The following RABL6 variants were observed in gnomAD, a reference collection of about 807,000 sequenced individuals.
The protein encoded by RABL6 is rab-like protein 6.
In RABL6, 28 loss-of-function variants were observed where a neutral mutation model predicts 72.9. That is an observed-to-expected ratio of 0.38 (90% confidence interval 0.28 to 0.53). The LOEUF is 0.53. RABL6 is among the 20% of genes least tolerant of loss of function. The probability of loss-of-function intolerance (pLI) is 0.80; values close to 1 mark genes in which losing one functional copy is unlikely to be tolerated. For synonymous variants in RABL6, 477 were observed against 421.2 expected, an observed-to-expected ratio of 1.13 and a Z score of -1.62; for missense variants, 1,029 against 1,008.4, an observed-to-expected ratio of 1.02 and a Z score of -0.28.
In RABL6 at chr9:136,837,429, A is replaced by C; in HGVS notation, c.893A>C (p.Gln298Pro). Residue 298 changes from glutamine (Q) to proline (P), a missense_variant, in exon 9 of 15, where the codon CAG becomes CCG. Physicochemically the swap from Gln to Pro is moderately conservative, Grantham distance 76 (BLOSUM62 -1). Transcript: ENST00000311502. ...ANGQSPSPGS[Q>P]SPVVPAGAVS... ...GGGCAGAGCCCATCCCCGGGCTCCC[A>C]GTCACCAGTGGTGCCTGCAGGCGCT... The C allele has an allele frequency of 6.3e-7, 1 of 1,581,372 alleles. No homozygotes were observed. Among genetic ancestry groups the C allele is most frequent in the Non-Finnish European group, 8.6e-7 (1 of 1,165,524 alleles).
intron 7 of RABL6, chr9:136,833,763 T>C (rs936347810): frequency 6.5e-7 from 1 of 1,550,380 alleles, no homozygotes; most frequent in African/African-American, 1.4e-5. Context: ...GCTGTCGTCC[T>C]GGTGTCAGAA....
Position 136,823,509 on chromosome 9 carries a change from C to G in RABL6, c.131-16C>G. On this transcript the variant is annotated splice_polypyrimidine_tract_variant and intron_variant, in intron 1 of 14. Coordinates refer to ENST00000311502, the MANE Select transcript of RABL6 (RefSeq NM_024718.5). ...TTCGTTTAATTTGCCTTTTCTTTTT[C>G]TCTTCCCGTCCCCAGTGAAGATAGT... 1 of 1,612,568 alleles carries G rather than the reference C, an allele frequency of 6.2e-7. No homozygotes were observed. The highest frequency in any genetic ancestry group is 1.1e-5 in the South Asian group (1 of 91,032).
In RABL6 at chr9:136,839,724, G is replaced by A. The variant is rs141843004; in HGVS notation, c.1789G>A (p.Asp597Asn). ...DDFPVRDDPS[D>N]VTDEDEGPAE... ...CTTTCCCGTGCGAGATGACCCCTCC[G>A]ATGTGACTGACGAGGATGAGGGCCC... Residue 597 changes from aspartate to asparagine, a missense_variant, in exon 13 of 15, where the codon GAT (aspartate) becomes AAT (asparagine). Around this residue, in one of 2 missense-constraint regions of RABL6, gnomAD observed 595 missense variants for 472.4 expected, o/e 1.26. Coordinates refer to ENST00000311502, the MANE Select transcript of RABL6 (RefSeq NM_024718.5). 4.9e-4 allele frequency: 780 copies of A among 1,605,442 alleles called. 11 individuals are homozygous for A. The East Asian group carries it at 0.015, about 32-fold the overall frequency.
intron 3 of RABL6, among the ~76,000 whole-genome samples, 158 bp downstream of exon 3, chr9:136,825,984 C>G (rs1848347476): frequency 6.6e-6 from 1 of 152,180 alleles, no homozygotes; most frequent in African/African-American, 2.4e-5. Flanking sequence ...CCAGTGGCGA[C>G]CCCGCAGCGT....
At chr9:136,809,498 CG>C in intron 1 of RABL6, 1 of 258,674 alleles carries the variant, frequency 3.9e-6, no homozygotes, top group Non-Finnish European at 7.9e-6. Context: ...GTGTCCGGGC[CG>C]GGCACGGTGG....
Position 136,837,858 on chromosome 9 carries a change from A to G in RABL6, c.1127-4A>G. The stretch of plus-strand genomic sequence containing the variant: ...TGAAGAGGACCCGGCATCACTGTTC[A>G]CAGAGCCAGTCCCGGCCGCAGAGGG... On this transcript the variant is annotated splice_polypyrimidine_tract_variant and splice_region_variant and intron_variant, in intron 9 of 14. Coordinates refer to ENST00000311502, the MANE Select transcript of RABL6 (RefSeq NM_024718.5). The G allele has an allele frequency of 6.5e-7, 1 of 1,548,722 alleles. No homozygotes were observed. Among genetic ancestry groups the G allele is most frequent in the Non-Finnish European group, 8.7e-7 (1 of 1,146,734 alleles).
At chr9:136,832,869 C>A (rs988907021) in intron 7 of RABL6, 7 of 318,884 alleles carry the variant, frequency 2.2e-5, no homozygotes, top group Non-Finnish European at 3.7e-5. Flanking sequence ...ACTAAACTCA[C>A]TTTCCTTTGT....
rs1202513374 is a variant in RABL6, at chr9:136,822,037, A to G, written c.131-1488A>G. 7.8e-6 allele frequency: 10 copies of G among 1,289,562 alleles called. No individual in the cohort carries two copies. In the Admixed American group the frequency reaches 2.1e-4, roughly 27 times the overall value. The allele number at this position is 1,289,562 out of a possible 1,614,324, so 79.9% of individuals were successfully genotyped here. A position where few individuals can be genotyped will look rare whatever the true frequency, so the allele number is the denominator to read the frequency against. ...GGAAATGAACAAGCTTCAGGGGAGA[A>G]GAAATGACTGTGGGAACAGGTGCCT... On this transcript the variant is annotated intron_variant, in intron 1 of 14. Transcript: ENST00000311502.
chr9:136,818,061 CAAAAA>C (rs35850059), intron 1 of RABL6, among the ~76,000 whole-genome samples: 1 of 78,478 alleles, frequency 1.3e-5, no homozygotes, highest in Admixed American at 1.7e-4. Context: ...GACTCCATCT[CAAAAA>C]AAAAAAAAAA....
chr9:136,839,555 G>T (rs2131207607), intron 12 of RABL6, 69 bp downstream of exon 12: 1 of 1,559,846 alleles, frequency 6.4e-7, no homozygotes, highest in South Asian at 1.2e-5. Flanking sequence ...CCTGATCTGG[G>T]TGGGTGCAGT....
At chr9:136,811,167 C>T (rs1056506516) in intron 1 of RABL6, among the ~76,000 whole-genome samples, 2 of 152,172 alleles carry the variant, frequency 1.3e-5, no homozygotes, top group African/African-American at 4.8e-5. Context: ...CCTCAGGTGA[C>T]CCTGAGGACA....
intron 1 of RABL6, chr9:136,809,664 G>C (rs1022546166): frequency 1.2e-5 from 2 of 160,484 alleles, no homozygotes; most frequent in Admixed American, 1.3e-4. Flanking sequence ...ACCAAGGGCC[G>C]TATTGGCTTT....
At chr9:136,819,141 T>G (rs1848185887) in intron 1 of RABL6, among the ~76,000 whole-genome samples, 1 of 151,778 alleles carries the variant, frequency 6.6e-6, no homozygotes, top group South Asian at 2.1e-4. Flanking sequence ...GCTAACATGG[T>G]GAAACCCCGT....
chr9:136,821,744 G>A, intron 1 of RABL6: 3 of 1,144,822 alleles, frequency 2.6e-6, no homozygotes, highest in South Asian at 1.7e-5. Context: ...TCCACAGGCC[G>A]GGCCGCCGGG....
chr9:136,839,920 G>T, intron 13 of RABL6, 55 bp downstream of exon 13: 1 of 1,568,476 alleles, frequency 6.4e-7, no homozygotes, highest in Middle Eastern at 1.9e-4. Flanking sequence ...TAGAACGTGG[G>T]CCTCCTCCCA....
In RABL6 at chr9:136,834,691, A is replaced by C. The variant is rs561763422; in HGVS notation, c.706-1051A>C. On this transcript the variant is annotated intron_variant, in intron 7 of 14. Coordinates refer to ENST00000311502, the MANE Select transcript of RABL6 (RefSeq NM_024718.5). ...ACGGGGTTTTGCCATATTGGCCAGG[A>C]CGGTCTCGATCTCTTGACCTCGTGA... 1.2e-3 allele frequency among the ~76,000 whole-genome samples: 186 copies of C among 152,170 alleles called. 1 individual carries two copies. The highest frequency in any genetic ancestry group is 6.8e-3 in the Middle Eastern group (2 of 294).
At chr9:136,823,807 A>G (rs972249398) in intron 2 of RABL6, 148 bp downstream of exon 2, 3 of 1,074,150 alleles carry the variant, frequency 2.8e-6, no homozygotes, top group South Asian at 2.0e-5. Flanking sequence ...CCTGGCGTGA[A>G]CTCTGGGGCT....
Position 136,840,491 on chromosome 9 carries a change from A to G in RABL6, c.2159A>G (p.His720Arg). 1.5e-6 allele frequency: 2 copies of G among 1,331,592 alleles called. No homozygotes were observed. Among genetic ancestry groups the G allele is most frequent in the Non-Finnish European group, 2.0e-6 (2 of 1,006,298 alleles). The allele number at this position is 1,331,592 out of a possible 1,614,324, so 82.5% of individuals were successfully genotyped here. ...FLGGGAPGGR[H>R]PGGGDYEEL ...GGGGGCGGGGCCCCGGGCGGCCGCC[A>G]CCCTGGGGGTGGCGACTACGAGGAG... Residue 720 changes from histidine to arginine, a missense_variant, in exon 15 of 15, where the codon CAC (histidine) becomes CGC (arginine). Physicochemically the swap from His to Arg is conservative, Grantham distance 29. Around this residue, in one of 2 missense-constraint regions of RABL6, gnomAD observed 595 missense variants for 472.4 expected, o/e 1.26. Coordinates refer to ENST00000311502, the MANE Select transcript of RABL6 (RefSeq NM_024718.5).
chr9:136,822,917 T>C (rs566557253), intron 1 of RABL6, among the ~76,000 whole-genome samples: 1 of 152,028 alleles, frequency 6.6e-6, no homozygotes, highest in Non-Finnish European at 1.5e-5. Flanking sequence ...TGAAACCCCG[T>C]CTCTACTAAA....
Sources: allele counts gnomAD v4.1 joint callset (sites outside exome capture counted in the v4.1 genomes callset), GRCh38; gene constraint gnomAD v4.1.1; regional missense constraint gnomAD v4.1.1; transcripts MANE v1.5; gene names NCBI Gene and HGNC (gene_info 2026-07-23, HGNC 2026-07-21).